Variants in NLRP11 observed in about 807,000 individuals in gnomAD.
The protein encoded by NLRP11 is NLR family pyrin domain containing 11, also known as NACHT, LRR and PYD domains-containing protein 11.
In NLRP11, 53 loss-of-function variants were observed where a neutral mutation model predicts 79.3. The ratio of observed to expected loss-of-function variants is 0.67; its 90% CI spans 0.54 to 0.84. NLRP11 has a LOEUF of 0.84. Among genes scored for constraint, NLRP11 ranks in the 40% least tolerant of loss-of-function variants. NLRP11 has a pLI of 0.00. For synonymous variants in NLRP11, 518 were observed against 462.6 expected, an observed-to-expected ratio of 1.12 and a Z score of -1.54; for missense variants, 1,264 against 1,255.0, an observed-to-expected ratio of 1.01 and a Z score of -0.11.
At chr19:55,823,004 A>C (rs1443593383) in intron 1 of NLRP11, among the ~76,000 whole-genome samples, 1 of 151,396 alleles carries the variant, frequency 6.6e-6, no homozygotes, top group East Asian at 2.0e-4. Flanking sequence ...TGCAGACTTA[A>C]ATGTCCCTGT....
Position 55,809,448 on chromosome 19 carries a change from G to C in NLRP11, c.1162C>G (p.Gln388Glu). 1.2e-6 allele frequency: 2 copies of C among 1,614,166 alleles called. No homozygotes were observed. Among genetic ancestry groups the C allele is most frequent in the Non-Finnish European group, 1.7e-6 (2 of 1,180,018 alleles). ...CGTTTTAGGAGACCTAGGTGATACT[G>C]ATTGGCAGTAAGTCCAGCCTCTGAT... Residue 388 changes from glutamine to glutamate, a missense_variant, in exon 3 of 10, where the codon CAG (glutamine) becomes GAG (glutamate). By Grantham distance (29) the Gln-to-Glu change is conservative. Transcript: ENST00000589093. This position sits in a 1 kb window ranked among gnomAD's most constrained non-coding sequence, Gnocchi z 4.5.
intron 4 of NLRP11, among the ~76,000 whole-genome samples, chr19:55,803,017 A>C (rs1979632343): frequency 6.6e-6 from 1 of 152,146 alleles, no homozygotes; most frequent in African/African-American, 2.4e-5. Flanking sequence ...AAACCAACTC[A>C]AGATGGATTA....
At chr19:55,788,537 G>C (rs531961960) in intron 9 of NLRP11, among the ~76,000 whole-genome samples, 1 of 151,496 alleles carries the variant, frequency 6.6e-6, no homozygotes, top group Non-Finnish European at 1.5e-5. Context: ...TCAGGAGATT[G>C]AGACCACCCT....
chr19:55,821,203 TCTCACACACACACACACACACACA>T lies in NLRP11; in HGVS notation c.-62-2991_-62-2968del, dbSNP rs1191862693. 5.3e-5 allele frequency among the ~76,000 whole-genome samples: 6 copies of T among 113,268 alleles called. No individual in the cohort carries two copies. The South Asian group carries it at 8.2e-4, about 15-fold the overall frequency. The allele number at this position is 113,268 out of a possible 152,430, so 74.3% of individuals were successfully genotyped here. ...CTATGTGACCAGCTCTCTCTCTCTC[TCTCACACACACACACACACACACA>T]CACACACACACACACACACACACCC... On this transcript the variant is annotated intron_variant, in intron 1 of 9. Coordinates refer to ENST00000589093, the Ensembl canonical transcript of NLRP11.
At chr19:55,815,274 G>A (rs10405310) in intron 2 of NLRP11, among the ~76,000 whole-genome samples, 33,973 of 151,952 alleles carry the variant, frequency 0.22, 5,814 homozygotes, top group African/African-American at 0.48. Context: ...TATGCCTGTA[G>A]CCCCAGCACT....
intron 5 of NLRP11, among the ~76,000 whole-genome samples, chr19:55,797,896 T>C (rs1023412149): frequency 6.6e-6 from 1 of 152,076 alleles, no homozygotes; most frequent in Non-Finnish European, 1.5e-5. Context: ...GTTTTAAACA[T>C]CTACAACAAA....
intron 1 of NLRP11, among the ~76,000 whole-genome samples, chr19:55,830,364 C>T (rs535720708): frequency 2.0e-5 from 3 of 152,196 alleles, no homozygotes; most frequent in Non-Finnish European, 4.4e-5. Flanking sequence ...ATATGTTTGT[C>T]TAATAAAGTA....
upstream of NLRP11, among the ~76,000 whole-genome samples, chr19:55,835,022 G>T (rs28651042): frequency 7.3e-4 from 111 of 152,172 alleles, 1 homozygote; most frequent in South Asian, 0.022. Flanking sequence ...TGCTCTTATG[G>T]GTACATGAGT....
intron 5 of NLRP11, among the ~76,000 whole-genome samples, chr19:55,800,607 G>T (rs77978502): frequency 0.041 from 6,213 of 152,174 alleles, 254 homozygotes; most frequent in East Asian, 0.17. Flanking sequence ...GAGCTACCAG[G>T]CTTGGCTAGT....
At chr19:55,821,822 A>G (rs951918496) in intron 1 of NLRP11, among the ~76,000 whole-genome samples, 1 of 152,226 alleles carries the variant, frequency 6.6e-6, no homozygotes, top group Admixed American at 6.5e-5. Context: ...TTCAGGTCTA[A>G]TTACTCCCTT....
At chr19:55,819,126 TACACACACACACACAC>T (rs59055964) in intron 1 of NLRP11, among the ~76,000 whole-genome samples, 7,503 of 105,186 alleles carry the variant, frequency 0.071, 250 homozygotes, top group Non-Finnish European at 0.085. Context: ...TGGTATCGCC[TACACACACACACACAC>T]ACACACACAC....
At chr19:55,828,967 T>C (rs1336226649) in intron 1 of NLRP11, among the ~76,000 whole-genome samples, 1 of 152,162 alleles carries the variant, frequency 6.6e-6, no homozygotes, top group Non-Finnish European at 1.5e-5. Context: ...TGAGGAAATA[T>C]CAATTAGATA....
intron 6 of NLRP11, among the ~76,000 whole-genome samples, chr19:55,795,467 T>C (rs1185235825): frequency 1.3e-5 from 2 of 152,086 alleles, no homozygotes; most frequent in African/African-American, 2.4e-5. Context: ...GTGCTGTGTT[T>C]AGAATGTTGT....
chr19:55,797,653 G>A (rs559319104), intron 5 of NLRP11, among the ~76,000 whole-genome samples: 10 of 152,214 alleles, frequency 6.6e-5, no homozygotes, highest in East Asian at 3.8e-4. Context: ...GGCACTGAGC[G>A]AAGACTCTCA....
At chr19:55,815,310 C>A (rs2122855177) in intron 2 of NLRP11, among the ~76,000 whole-genome samples, 1 of 152,150 alleles carries the variant, frequency 6.6e-6, no homozygotes, top group East Asian at 1.9e-4. Context: ...GGGCGGATCA[C>A]CTGAGGTCAG....
At chr19:55,808,279 A>AAATAT (rs1980204209) in intron 3 of NLRP11, among the ~76,000 whole-genome samples, 1 of 152,240 alleles carries the variant, frequency 6.6e-6, no homozygotes, top group Admixed American at 6.5e-5. Flanking sequence ...CTTCAATATT[A>AAATAT]AAAATCAATG....
intron 1 of NLRP11, among the ~76,000 whole-genome samples, chr19:55,819,174 CACACACACACACACAG>C (rs1324053978): frequency 1.7e-4 from 22 of 127,902 alleles, no homozygotes; most frequent in African/African-American, 7.6e-4. Context: ...CACACACACA[CACACACACACACACAG>C]GTTGCCTCTT....
At position 55,809,693 on chromosome 19, in the gene NLRP11, T is replaced by A. The variant is rs1568636702; in HGVS notation, c.917A>T (p.Glu306Val). The A allele has an allele frequency of 6.2e-7, 1 of 1,614,034 alleles. No homozygotes were observed. Among genetic ancestry groups the A allele is most frequent in the Non-Finnish European group, 8.5e-7 (1 of 1,179,968 alleles). The stretch of plus-strand genomic sequence containing the variant: ...TTTAAAGAAAGAGTTAAAATATATC[T>A]CCCTCTTCCCATTCGACAGCTGCAA... Residue 306 changes from glutamate to valine, a missense_variant, in exon 3 of 10, where the codon GAG becomes GTG. Transcript: ENST00000589093. The surrounding 1 kb of genome is among the most constrained non-coding windows in gnomAD (Gnocchi z 4.5).
rs750259570 is a variant in NLRP11 at position 55,808,983 on chromosome 19, T to A, written c.1627A>T (p.Met543Leu). ...TCATAGAGACAGTAAAACAAAGGCA[T>A]ATGGTGCGTCAACTTTTCCGGGTCA... The change falls in exon 3 of 10, where the codon ATG (methionine) becomes TTG (leucine). Residue 543 changes from methionine to leucine, a missense_variant. Met to Leu is a conservative substitution (Grantham distance 15). Transcript: ENST00000589093. 3.1e-6 allele frequency: 5 copies of A among 1,614,172 alleles called. No homozygotes were observed. In the South Asian group the frequency reaches 5.5e-5, roughly 18 times the overall value.
Sources: allele counts gnomAD v4.1 joint callset (sites outside exome capture counted in the v4.1 genomes callset), GRCh38; gene constraint gnomAD v4.1.1; non-coding constraint Gnocchi (gnomAD v3.1); transcripts MANE v1.5; gene names NCBI Gene and HGNC (gene_info 2026-07-23, HGNC 2026-07-21).